IQCH: variants seen among roughly 807,000 people sequenced by gnomAD.
IQCH encodes IQ motif containing H, also known as IQ domain-containing protein H.
IQCH carries 98 observed loss-of-function variants against 117.0 expected under a neutral mutation model. The observed-to-expected ratio is 0.84, with a 90% CI of 0.71 to 0.99. The LOEUF (loss-of-function observed/expected upper bound fraction) is 0.99. Among genes scored for constraint, IQCH ranks in the 50% least tolerant of loss-of-function variants. IQCH has a pLI of 0.00. For missense variants in IQCH, 1,102 were observed against 1,243.8 expected (o/e 0.89, Z 1.72); for synonymous variants, 412 against 448.2 (o/e 0.92, Z 1.02).
chr15:67,469,362 C>A (rs1043320276), intron 17 of IQCH, among the ~76,000 whole-genome samples: 6 of 152,146 alleles, frequency 3.9e-5, no homozygotes, highest in Non-Finnish European at 7.4e-5. Flanking sequence ...GGACTCTGCA[C>A]CAAGCCTGGC....
chr15:67,485,507 A>C (rs528679423), intron 18 of IQCH, among the ~76,000 whole-genome samples: 2 of 152,334 alleles, frequency 1.3e-5, no homozygotes, highest in East Asian at 3.9e-4. Context: ...ATACTGGCTG[A>C]GAATTTCCTA....
chr15:67,266,321 T>G (rs193098918), intron 3 of IQCH, among the ~76,000 whole-genome samples: 177 of 152,268 alleles, frequency 1.2e-3, no homozygotes, highest in African/African-American at 3.9e-3. Flanking sequence ...CTTAATCTTG[T>G]TAATTATGAT....
intron 14 of IQCH, among the ~76,000 whole-genome samples, 186 bp downstream of exon 14, chr15:67,400,491 C>CTTTTCTTTTTTTTTTTTTTTTTTTTTTTT (rs776111763): frequency 5.2e-5 from 6 of 115,570 alleles, no homozygotes; most frequent in African/African-American, 9.5e-5. Flanking sequence ...TCTTTTTTTT[C>CTTTTCTTTTTTTTTTTTTTTTTTTTTTTT]TTTTTTTTTT....
At chr15:67,295,234 C>T (rs1966845214) in intron 4 of IQCH, among the ~76,000 whole-genome samples, 1 of 152,124 alleles carries the variant, frequency 6.6e-6, no homozygotes, top group Admixed American at 6.6e-5. Flanking sequence ...CTGCTAGTAT[C>T]CCCAGTATTC....
intron 4 of IQCH, among the ~76,000 whole-genome samples, chr15:67,293,823 A>AC (rs752114147): frequency 4.6e-5 from 7 of 152,246 alleles, no homozygotes; most frequent in Admixed American, 1.3e-4. Context: ...CAGAAGAAAG[A>AC]CCCTAAATTA....
At chr15:67,296,065 T>A (rs556335623) in intron 4 of IQCH, among the ~76,000 whole-genome samples, 31 of 152,342 alleles carry the variant, frequency 2.0e-4, no homozygotes, top group Non-Finnish European at 4.3e-4. Flanking sequence ...TTATATCTGT[T>A]TATGTGCTTA....
chr15:67,284,492 A>G (rs1346930670), intron 4 of IQCH, among the ~76,000 whole-genome samples: 1 of 152,122 alleles, frequency 6.6e-6, no homozygotes, highest in Non-Finnish European at 1.5e-5. Flanking sequence ...TCAGGGGTAC[A>G]TGTGCAGATT....
Position 67,413,267 on chromosome 15 carries a change from C to T in IQCH, c.2098-3664C>T, listed in dbSNP as rs1292318308. 1.3e-5 allele frequency among the ~76,000 whole-genome samples: 2 copies of T among 152,120 alleles called. No homozygotes were observed. The highest frequency in any genetic ancestry group is 6.5e-5 in the Admixed American group (1 of 15,272). On this transcript the variant is annotated intron_variant, in intron 14 of 20. Coordinates refer to ENST00000335894, the MANE Select transcript of IQCH (RefSeq NM_001031715.3). The surrounding 1 kb of genome is among the most constrained non-coding windows in gnomAD (Gnocchi z 5.0). ...AAAACTGAGAGCTTGCATCTGACGT[C>T]GATAGACCCATTGTGGCTGTTGGGA...
At chr15:67,329,821 T>TACACAC (rs35445898) in intron 4 of IQCH, among the ~76,000 whole-genome samples, 4,956 of 148,910 alleles carry the variant, frequency 0.033, 192 homozygotes, top group African/African-American at 0.086. Context: ...GAGTGAATTA[T>TACACAC]ACACACACAC....
rs919241767 is a variant in IQCH at position 67,337,166 on chromosome 15, C to T, written c.508+71C>T. ...AAGAGCATTGAGGTAGGATCGGAGG[C>T]CTGAATTTGGACTCTGGCTCAGCCA... On this transcript the variant is annotated intron_variant, in intron 5 of 20. Transcript: ENST00000335894. 11 of 1,552,824 alleles carry T rather than the reference C, an allele frequency of 7.1e-6. No homozygotes were observed. The African/African-American group carries it at 1.5e-4, about 21-fold the overall frequency.
intron 4 of IQCH, chr15:67,307,180 T>G: frequency 1.0e-6 from 1 of 960,482 alleles, no homozygotes; most frequent in South Asian, 4.5e-5. Context: ...ATACCAGTTC[T>G]TTGGTTCTAC....
rs148358395 is a variant in IQCH, at chr15:67,279,408, G to C, written c.283G>C (p.Val95Leu). The change falls in exon 4 of 21, where the codon GTA becomes CTA. Residue 95 changes from valine to leucine, a missense_variant. Physicochemically the swap from Val to Leu is conservative, Grantham distance 32 (BLOSUM62 1). Coordinates refer to ENST00000335894, the MANE Select transcript of IQCH (RefSeq NM_001031715.3). ...CTTCTTACTTAGGTTACTTCCAACT[G>C]TAATTGATCAGAAATCATTTATTTT... ...PQASKWLLPT[V>L]IDQKSFIFPQ... 1.9e-4 allele frequency: 309 copies of C among 1,586,578 alleles called. 1 individual carries two copies. The African/African-American group carries it at 3.6e-3, about 18-fold the overall frequency.
intron 4 of IQCH, among the ~76,000 whole-genome samples, chr15:67,326,660 T>C (rs1292247600): frequency 6.6e-6 from 1 of 152,206 alleles, no homozygotes; most frequent in Non-Finnish European, 1.5e-5. Context: ...ATCGTCATTC[T>C]AACTGGTGTG....
intron 18 of IQCH, among the ~76,000 whole-genome samples, chr15:67,484,709 C>T (rs1283641037): frequency 2.6e-5 from 4 of 151,862 alleles, no homozygotes; most frequent in African/African-American, 9.7e-5. Context: ...CCATTGCACT[C>T]CAGCCTGGGT....
chr15:67,459,358 G>A lies in IQCH; in HGVS notation c.2506-5769G>A, dbSNP rs1490021554. 6.6e-6 allele frequency among the ~76,000 whole-genome samples: 1 copy of A among 152,166 alleles called. No individual in the cohort carries two copies. Among genetic ancestry groups the A allele is most frequent in the Non-Finnish European group, 1.5e-5 (1 of 68,034 alleles). On this transcript the variant is annotated intron_variant, in intron 16 of 20. Coordinates refer to ENST00000335894, the MANE Select transcript of IQCH (RefSeq NM_001031715.3). The surrounding 1 kb of genome is among the most constrained non-coding windows in gnomAD (Gnocchi z 4.2). ...GTGCCCTGATGCCCATAGGAGAAGG[G>A]TGGCAAGAGGCAACACTAAACCCTT...
At chr15:67,282,612 C>T (rs1423649972) in intron 4 of IQCH, among the ~76,000 whole-genome samples, 3 of 152,176 alleles carry the variant, frequency 2.0e-5, no homozygotes, top group Non-Finnish European at 4.4e-5. Flanking sequence ...TAATTTTGCA[C>T]TGTAAAGTCA....
chr15:67,291,181 T>A (rs1567069589), intron 4 of IQCH, among the ~76,000 whole-genome samples: 1 of 152,140 alleles, frequency 6.6e-6, no homozygotes, highest in South Asian at 2.1e-4. Context: ...GTTTGCCAGA[T>A]GTAACTCAGA....
In IQCH at chr15:67,454,889, CAT is replaced by C. The variant is rs1451769679; in HGVS notation, c.2506-10237_2506-10236del. ...ATTCATATAAAAGTGTTCGCATAAA[CAT>C]GTGTTTTCATTTGTCTTGGTTATAT... is the stretch of plus-strand genomic sequence containing the variant. On this transcript the variant is annotated intron_variant, in intron 16 of 20. Transcript: ENST00000335894. This position sits in a 1 kb window ranked among gnomAD's most constrained non-coding sequence, Gnocchi z 5.2. Among the ~76,000 whole-genome samples, 2 of 152,172 alleles carry C rather than the reference CAT, an allele frequency of 1.3e-5. No individual in the cohort carries two copies. Among genetic ancestry groups the C allele is most frequent in the African/African-American group, 2.4e-5 (1 of 41,438 alleles).
chr15:67,259,597 C>A (rs1965375264), intron 1 of IQCH, among the ~76,000 whole-genome samples: 1 of 152,108 alleles, frequency 6.6e-6, no homozygotes, highest in Non-Finnish European at 1.5e-5. Context: ...AGAAAACAAA[C>A]CTTTGGTACA....
Sources: gnomAD v4.1 joint callset for allele counts (sites outside exome capture counted in the v4.1 genomes callset) on GRCh38, gnomAD v4.1.1 for gene constraint, Gnocchi (gnomAD v3.1) non-coding constraint, MANE v1.5 for transcripts, NCBI Gene and HGNC (gene_info 2026-07-23, HGNC 2026-07-21) for gene names.